Variants in UBE3D observed in about 807,000 individuals in gnomAD.
UBE3D encodes the protein E3 ubiquitin-protein ligase E3D.
A neutral mutation model predicts 49.6 loss-of-function variants in UBE3D; 48 were observed. The observed-to-expected ratio is 0.97, with a 90% confidence interval of 0.77 to 1.23. The LOEUF (loss-of-function observed/expected upper bound fraction) is 1.23. Ranked by LOEUF, UBE3D falls within the 50% of genes most tolerant of loss-of-function variation. The probability of loss-of-function intolerance (pLI) is 0.00; values close to 1 mark genes in which losing one functional copy is unlikely to be tolerated. For missense variants in UBE3D, 452 were observed against 468.4 expected (o/e 0.96, Z 0.32); for synonymous variants, 189 against 174.2 (o/e 1.08, Z -0.67).
intron 9 of UBE3D, among the ~76,000 whole-genome samples, chr6:82,935,200 C>T (rs1185247042): frequency 6.6e-6 from 1 of 151,424 alleles, no homozygotes; most frequent in African/African-American, 2.4e-5. Flanking sequence ...GGGAAGCAGG[C>T]TCATCACATG....
the UBE3D span, among the ~76,000 whole-genome samples, chr6:82,881,739 G>A: frequency 3.3e-5 from 5 of 152,208 alleles, no homozygotes; most frequent in East Asian, 1.9e-4. Flanking sequence ...CAGTTCATGC[G>A]GAACTCAGCC....
At chr6:82,956,267 G>A (rs1443854443) in intron 9 of UBE3D, among the ~76,000 whole-genome samples, 1 of 152,168 alleles carries the variant, frequency 6.6e-6, no homozygotes, top group Non-Finnish European at 1.5e-5. Context: ...ACCAGCATCC[G>A]AGGGCTCGTA....
intron 9 of UBE3D, among the ~76,000 whole-genome samples, chr6:82,917,954 A>T (rs1004887032): frequency 2.0e-5 from 3 of 151,576 alleles, no homozygotes; most frequent in African/African-American, 7.3e-5. Context: ...CCTTTCTTAA[A>T]CTCTACTTCC....
chr6:82,938,457 G>C (rs1278143478), intron 9 of UBE3D: 1 of 152,288 alleles, frequency 6.6e-6, no homozygotes, highest in South Asian at 2.1e-4. Flanking sequence ...GCAGAAAGAG[G>C]AGTGACAGAG....
intron 9 of UBE3D, among the ~76,000 whole-genome samples, chr6:82,949,072 T>G (rs539642009): frequency 1.1e-4 from 16 of 152,062 alleles, no homozygotes; most frequent in African/African-American, 3.9e-4. Flanking sequence ...AAGGAACAAA[T>G]CAAGTTATCC....
intron 9 of UBE3D, among the ~76,000 whole-genome samples, chr6:82,912,284 G>A (rs778095628): frequency 2.6e-5 from 4 of 151,324 alleles, no homozygotes; most frequent in Admixed American, 6.6e-5. Context: ...AATGACCTTC[G>A]AGCTTAGTCA....
rs774063730 is a variant in UBE3D, at chr6:82,892,416, A to G, written c.*606T>C. The G allele has an allele frequency of 1.3e-5, 2 of 157,490 alleles. No homozygotes were observed. Among genetic ancestry groups the G allele is most frequent in the Non-Finnish European group, 2.8e-5 (2 of 71,086 alleles). 9.8% of individuals were successfully genotyped at this position (157,490 alleles called of 1,614,324 possible). Reference sequence around the variant, plus strand: ...AACGGGATGCTAGTGAGGTATATTTATTAATTTGCAATAATGTATGGTAAA... The same window carrying G: ...AACGGGATGCTAGTGAGGTATATTTGTTAATTTGCAATAATGTATGGTAAA... On this transcript the variant is annotated 3_prime_UTR_variant, in exon 10 of 10. Coordinates refer to ENST00000369747, the MANE Select transcript of UBE3D (RefSeq NM_198920.3).
At chr6:82,999,566 G>A (rs1351317213) in intron 8 of UBE3D, among the ~76,000 whole-genome samples, 1 of 152,066 alleles carries the variant, frequency 6.6e-6, no homozygotes, top group African/African-American at 2.4e-5. Flanking sequence ...TGGATTTTTA[G>A]TAGAGACGGG....
intron 4 of UBE3D, among the ~76,000 whole-genome samples, chr6:83,041,116 TATTAA>T (rs1234474601): frequency 6.6e-6 from 1 of 152,252 alleles, no homozygotes; most frequent in African/African-American, 2.4e-5. Context: ...CTAAGGGCTT[TATTAA>T]AAACTAATAT....
At chr6:83,001,689 G>T (rs1244907378) in intron 8 of UBE3D, among the ~76,000 whole-genome samples, 1 of 152,158 alleles carries the variant, frequency 6.6e-6, no homozygotes, top group African/African-American at 2.4e-5. Flanking sequence ...TGTTTGGCCT[G>T]GAGAGAGTAG....
At chr6:82,901,872 C>T (rs1414825161) in intron 9 of UBE3D, among the ~76,000 whole-genome samples, 6 of 152,148 alleles carry the variant, frequency 3.9e-5, no homozygotes, top group African/African-American at 7.2e-5. Context: ...TTTTTGTTCA[C>T]GATGTAGAGA....
chr6:82,973,843 C>T (rs1777525070), intron 8 of UBE3D, among the ~76,000 whole-genome samples: 1 of 152,150 alleles, frequency 6.6e-6, no homozygotes, highest in South Asian at 2.1e-4. Context: ...AGCTCTGCCT[C>T]CTGTGAGATA....
chr6:82,905,270 G>A (rs1356536959), intron 9 of UBE3D, among the ~76,000 whole-genome samples: 4 of 152,002 alleles, frequency 2.6e-5, no homozygotes, highest in Non-Finnish European at 2.9e-5. Flanking sequence ...AACAACATGT[G>A]CTCACTTCAT....
chr6:83,016,985 CT>C (rs1780743301), intron 8 of UBE3D, among the ~76,000 whole-genome samples: 2 of 152,186 alleles, frequency 1.3e-5, no homozygotes, highest in South Asian at 2.1e-4. Context: ...GTGGGTCTGC[CT>C]TTCCCAGCCC....
chr6:83,021,666 A>G (rs1343718832), intron 7 of UBE3D, among the ~76,000 whole-genome samples: 3 of 152,000 alleles, frequency 2.0e-5, no homozygotes, highest in Non-Finnish European at 2.9e-5. Flanking sequence ...GGAGATCGAG[A>G]CCATCCTGGC....
At chr6:82,886,243 T>A in the UBE3D span, among the ~76,000 whole-genome samples, 9 of 152,144 alleles carry the variant, frequency 5.9e-5, no homozygotes, top group African/African-American at 2.2e-4. Context: ...TGGAAGACAA[T>A]TTTTCCATGG....
In UBE3D at chr6:83,019,053, G is replaced by C; in HGVS notation, c.930C>G (p.Asn310Lys). 6.2e-7 allele frequency: 1 copy of C among 1,613,848 alleles called. No individual in the cohort carries two copies. The highest frequency in any genetic ancestry group is 1.3e-5 in the African/African-American group (1 of 75,030). Residue 310 changes from asparagine to lysine, a missense_variant, in exon 8 of 10, where the codon AAC becomes AAG. Transcript: ENST00000369747. ...KYIKKFPLLE[N>K]TFKADSSSAW... ...CAGAACTAGAATCGGCTTTGAATGT[G>C]TTTTCCAACAAGGGGAATTTTTTGA...
At chr6:83,033,570 A>T (rs1364871407) in intron 5 of UBE3D, among the ~76,000 whole-genome samples, 1 of 151,952 alleles carries the variant, frequency 6.6e-6, no homozygotes, top group Non-Finnish European at 1.5e-5. Flanking sequence ...TTCTTACAAG[A>T]TCCACTAGTT....
intron 9 of UBE3D, among the ~76,000 whole-genome samples, chr6:82,903,717 C>G (rs1771899912): frequency 6.6e-6 from 1 of 151,912 alleles, no homozygotes; most frequent in Non-Finnish European, 1.5e-5. Flanking sequence ...AGAATAAATA[C>G]CATTTATTTC....
Sources: allele counts gnomAD v4.1 joint callset (sites outside exome capture counted in the v4.1 genomes callset), GRCh38; gene constraint gnomAD v4.1.1; transcripts MANE v1.5; gene names NCBI Gene and HGNC (gene_info 2026-07-23, HGNC 2026-07-21).